Variants in NHERF1 observed in about 807,000 individuals in gnomAD.
NHERF1 encodes Na(+)/H(+) exchange regulatory cofactor NHE-RF1.
chr17:74,760,867 G>A, the NHERF1 span, among the ~76,000 whole-genome samples: 1 of 152,186 alleles, frequency 6.6e-6, no homozygotes, highest in Non-Finnish European at 1.5e-5. This position sits in a 1 kb window ranked among gnomAD's most constrained non-coding sequence, Gnocchi z 4.5. Context: ...CTCCTAAACA[G>A]GGGAGCTGGA....
the NHERF1 span, chr17:74,762,249 A>G: frequency 1.5e-6 from 2 of 1,334,224 alleles, no homozygotes; most frequent in South Asian, 1.1e-5. This position sits in a 1 kb window ranked among gnomAD's most constrained non-coding sequence, Gnocchi z 4.2. Flanking sequence ...CAGCCATCAT[A>G]CCATCATGGG....
chr17:74,748,794 G>T, the NHERF1 span: 2 of 1,482,732 alleles, frequency 1.3e-6, no homozygotes, highest in Non-Finnish European at 1.8e-6. This position sits in a 1 kb window ranked among gnomAD's most constrained non-coding sequence, Gnocchi z 4.3. Flanking sequence ...GGGCCGTCCC[G>T]TCCCGTCCCC....
the NHERF1 span, chr17:74,763,431 G>A: frequency 1.9e-6 from 3 of 1,613,986 alleles, no homozygotes; most frequent in African/African-American, 4.0e-5. Context: ...AGGGCTGGCG[G>A]GGACGAGACC....
chr17:74,763,350 C>T, the NHERF1 span: 3 of 1,609,426 alleles, frequency 1.9e-6, no homozygotes, highest in African/African-American at 2.7e-5. Context: ...TAACGCCTCC[C>T]CGACCCTGCC....
chr17:74,759,206 G>A, the NHERF1 span, among the ~76,000 whole-genome samples: 12 of 152,236 alleles, frequency 7.9e-5, no homozygotes, highest in African/African-American at 2.9e-4. Flanking sequence ...CTCAGGTCCT[G>A]GAGCCGCCAC....
chr17:74,767,053 T>C, the NHERF1 span: 14 of 1,414,380 alleles, frequency 9.9e-6, no homozygotes, highest in South Asian at 8.1e-5. Context: ...CTGTGGTTGG[T>C]AGGATAGCCA....
At chr17:74,750,778 C>G in the NHERF1 span, among the ~76,000 whole-genome samples, 1 of 146,568 alleles carries the variant, frequency 6.8e-6, no homozygotes, top group East Asian at 2.0e-4. Flanking sequence ...CCCACCCCCA[C>G]CCCCCACAAG....
At chr17:74,760,408 C>G in the NHERF1 span, among the ~76,000 whole-genome samples, 5 of 152,294 alleles carry the variant, frequency 3.3e-5, no homozygotes, top group African/African-American at 1.2e-4. The surrounding 1 kb of genome is among the most constrained non-coding windows in gnomAD (Gnocchi z 4.5). Flanking sequence ...GTCCTCGAGC[C>G]TGGATTTGGG....
the NHERF1 span, chr17:74,768,372 G>C: frequency 1.4e-6 from 2 of 1,481,312 alleles, no homozygotes; most frequent in African/African-American, 2.8e-5. Context: ...GGCTTCCCTG[G>C]GCACGGCCCC....
chr17:74,754,399 CTT>C, the NHERF1 span, among the ~76,000 whole-genome samples: 12 of 59,702 alleles, frequency 2.0e-4, no homozygotes, highest in Admixed American at 1.1e-3. Flanking sequence ...TTCTTTCTTT[CTT>C]TTTTTTTTTT....
chr17:74,767,468 C>T, the NHERF1 span, among the ~76,000 whole-genome samples: 6 of 152,274 alleles, frequency 3.9e-5, no homozygotes, highest in South Asian at 2.1e-4. Context: ...GCCAAGCTGA[C>T]GCCCCAGCCA....
At chr17:74,761,960 G>T in the NHERF1 span, 1 of 1,600,622 alleles carries the variant, frequency 6.2e-7, no homozygotes, top group Non-Finnish European at 8.5e-7. The surrounding 1 kb of genome is among the most constrained non-coding windows in gnomAD (Gnocchi z 4.3). Flanking sequence ...GACAGGGAAG[G>T]CAGAACCTGG....
the NHERF1 span, among the ~76,000 whole-genome samples, chr17:74,750,022 TG>T: frequency 6.6e-6 from 1 of 152,012 alleles, no homozygotes; most frequent in African/African-American, 2.4e-5. Flanking sequence ...GAACTGTATC[TG>T]GGAGGGAAGG....
chr17:74,758,439 C>T, the NHERF1 span, among the ~76,000 whole-genome samples: 7 of 152,202 alleles, frequency 4.6e-5, no homozygotes, highest in African/African-American at 1.7e-4. This position sits in a 1 kb window ranked among gnomAD's most constrained non-coding sequence, Gnocchi z 4.3. Context: ...CTGTCCAGCC[C>T]TGGGTCACCC....
the NHERF1 span, among the ~76,000 whole-genome samples, chr17:74,754,694 G>A: frequency 2.6e-5 from 4 of 152,012 alleles, no homozygotes; most frequent in Non-Finnish European, 4.4e-5. Context: ...GGCCAGGCTG[G>A]TTTCAAACTC....
At chr17:74,755,448 C>T in the NHERF1 span, among the ~76,000 whole-genome samples, 1 of 152,190 alleles carries the variant, frequency 6.6e-6, no homozygotes, top group Non-Finnish European at 1.5e-5. Flanking sequence ...CATGGTAGGA[C>T]AACTCACCAT....
the NHERF1 span, among the ~76,000 whole-genome samples, chr17:74,754,148 A>G: frequency 6.6e-6 from 1 of 151,850 alleles, no homozygotes; most frequent in Admixed American, 6.6e-5. Flanking sequence ...CGAGCAGCAG[A>G]GTGAGACTCA....
At chr17:74,765,161 T>C in the NHERF1 span, among the ~76,000 whole-genome samples, 1 of 152,086 alleles carries the variant, frequency 6.6e-6, no homozygotes. Context: ...TCCCACTGGC[T>C]GGGGGAGGGG....
chr17:74,761,247 TC>T, the NHERF1 span, among the ~76,000 whole-genome samples: 810 of 152,202 alleles, frequency 5.3e-3, 11 homozygotes, highest in African/African-American at 0.018. This position sits in a 1 kb window ranked among gnomAD's most constrained non-coding sequence, Gnocchi z 4.3. Context: ...CCCAGTCCCC[TC>T]CCCATTCAGG....
Sources: gnomAD v4.1 joint callset for allele counts (sites outside exome capture counted in the v4.1 genomes callset) on GRCh38, gnomAD v4.1.1 for gene constraint, Gnocchi (gnomAD v3.1) non-coding constraint, MANE v1.5 for transcripts, NCBI Gene and HGNC (gene_info 2026-07-23, HGNC 2026-07-21) for gene names.